KIAA1217: variants seen among roughly 807,000 people sequenced by gnomAD.
KIAA1217 encodes sickle tail protein homolog.
KIAA1217 carries 88 observed loss-of-function variants against 163.9 expected under a neutral mutation model. That is an observed-to-expected ratio of 0.54 (90% CI 0.45 to 0.64). KIAA1217 has a LOEUF of 0.64. Ranked by LOEUF, KIAA1217 falls within the 30% of genes least tolerant of loss-of-function variation. The pLI, the probability that KIAA1217 is intolerant of heterozygous loss-of-function variation, is 0.00. For missense variants in KIAA1217, 2,372 were observed against 2,475.0 expected (o/e 0.96, Z 0.88); for synonymous variants, 903 against 923.1 (o/e 0.98, Z 0.39).
At chr10:23,737,017 A>G (rs1053712175) in intron 1 of KIAA1217, among the ~76,000 whole-genome samples, 2 of 152,156 alleles carry the variant, frequency 1.3e-5, no homozygotes, top group African/African-American at 2.4e-5. Context: ...AAAAATTAAA[A>G]TCTTTACAAA....
At chr10:23,974,889 C>CA (rs986237727) in intron 1 of KIAA1217, among the ~76,000 whole-genome samples, 3 of 151,788 alleles carry the variant, frequency 2.0e-5, no homozygotes, top group Non-Finnish European at 4.4e-5. Flanking sequence ...TCCTTCCCCC[C>CA]CCCATAGATA....
chr10:23,740,827 C>CTGAA (rs1336777479), intron 1 of KIAA1217, among the ~76,000 whole-genome samples: 1 of 151,988 alleles, frequency 6.6e-6, no homozygotes, highest in African/African-American at 2.4e-5. Context: ...ACTTGGGAGG[C>CTGAA]TGAAGCAGGA....
chr10:24,505,007 C>T (rs2068148494), intron 9 of KIAA1217, among the ~76,000 whole-genome samples: 1 of 152,088 alleles, frequency 6.6e-6, no homozygotes, highest in Non-Finnish European at 1.5e-5. Flanking sequence ...AAACCCTTAG[C>T]AAAAATACCA....
intron 2 of KIAA1217, among the ~76,000 whole-genome samples, chr10:24,363,522 GT>G (rs1269231865): frequency 2.0e-5 from 3 of 147,562 alleles, no homozygotes; most frequent in African/African-American, 7.5e-5. Flanking sequence ...GAGTCTTCCT[GT>G]TTTCTCAGTA....
chr10:23,985,097 T>C (rs1273957964), intron 1 of KIAA1217, among the ~76,000 whole-genome samples: 2 of 152,160 alleles, frequency 1.3e-5, no homozygotes, highest in Admixed American at 6.5e-5. Flanking sequence ...AGAGGCACTT[T>C]TCCAGCTAAA....
At chr10:24,202,907 G>T (rs575902030) in intron 2 of KIAA1217, among the ~76,000 whole-genome samples, 2 of 152,238 alleles carry the variant, frequency 1.3e-5, no homozygotes, top group African/African-American at 4.8e-5. Context: ...TAGGTATACC[G>T]GGCCAGGGGC....
Position 24,463,970 on chromosome 10 carries a change from G to A in KIAA1217, c.847-9258G>A, listed in dbSNP as rs188522289. On this transcript the variant is annotated intron_variant, in intron 5 of 20. Coordinates refer to ENST00000376454, the MANE Select transcript of KIAA1217 (RefSeq NM_019590.5). ...TCTGGTGATGTAATCAAACCAAAGC[G>A]TGGGGGTGTTAGTGGTTGCACACAC... is the stretch of plus-strand genomic sequence containing the variant. 7.0e-4 allele frequency among the ~76,000 whole-genome samples: 107 copies of A among 152,310 alleles called. 1 individual carries two copies. The highest frequency in any genetic ancestry group is 2.4e-3 in the African/African-American group (100 of 41,578).
intron 2 of KIAA1217, among the ~76,000 whole-genome samples, chr10:24,261,727 C>T (rs1275874574): frequency 6.6e-6 from 1 of 152,044 alleles, no homozygotes; most frequent in African/African-American, 2.4e-5. Flanking sequence ...GGGTGGGCTA[C>T]CGTAACCAGG....
intron 4 of KIAA1217, among the ~76,000 whole-genome samples, chr10:24,436,091 C>A (rs1469090347): frequency 1.3e-5 from 2 of 152,028 alleles, no homozygotes; most frequent in Admixed American, 6.5e-5. Context: ...GAACTCCTGA[C>A]CTCAAGTGAT....
intron 2 of KIAA1217, among the ~76,000 whole-genome samples, chr10:24,286,812 C>A (rs750816756): frequency 1.4e-4 from 22 of 152,098 alleles, no homozygotes; most frequent in Non-Finnish European, 2.8e-4. Context: ...CATTCTGTCC[C>A]CTTCAGATAG....
At chr10:24,362,778 A>G (rs1205500356) in intron 2 of KIAA1217, among the ~76,000 whole-genome samples, 1 of 152,178 alleles carries the variant, frequency 6.6e-6, no homozygotes, top group East Asian at 1.9e-4. Context: ...GGGTAGGCAG[A>G]TCACTTGAGG....
At chr10:23,955,269 C>T (rs1844511682) in intron 1 of KIAA1217, among the ~76,000 whole-genome samples, 1 of 152,126 alleles carries the variant, frequency 6.6e-6, no homozygotes, top group South Asian at 2.1e-4. Context: ...ATAATAGTAT[C>T]CAGAACAAAT....
At chr10:24,532,611 A>T (rs183606060) in intron 15 of KIAA1217, among the ~76,000 whole-genome samples, 4 of 152,286 alleles carry the variant, frequency 2.6e-5, no homozygotes, top group African/African-American at 9.6e-5. Flanking sequence ...GGCACTTCTC[A>T]CATGGTGGCA....
chr10:23,938,813 A>G (rs1843640418), intron 1 of KIAA1217, among the ~76,000 whole-genome samples: 1 of 152,216 alleles, frequency 6.6e-6, no homozygotes, highest in Non-Finnish European at 1.5e-5. Flanking sequence ...GTGTATATGC[A>G]TACGTATATG....
chr10:24,264,004 C>T (rs1330172226), intron 2 of KIAA1217, among the ~76,000 whole-genome samples: 6 of 152,072 alleles, frequency 3.9e-5, no homozygotes, highest in South Asian at 2.1e-4. Context: ...ACTACAGGCA[C>T]GTGCCACCAC....
intron 2 of KIAA1217, among the ~76,000 whole-genome samples, chr10:24,263,039 A>C (rs1489062093): frequency 6.6e-6 from 1 of 152,000 alleles, no homozygotes; most frequent in Non-Finnish European, 1.5e-5. Flanking sequence ...TATCCCTCAG[A>C]GGAAGACTTC....
chr10:24,128,574 G>T (rs148405793), intron 2 of KIAA1217, among the ~76,000 whole-genome samples: 1 of 152,140 alleles, frequency 6.6e-6, no homozygotes, highest in Non-Finnish European at 1.5e-5. Flanking sequence ...CATGCCATGG[G>T]GACTCATTCA....
chr10:23,857,624 G>C (rs991372578), intron 1 of KIAA1217, among the ~76,000 whole-genome samples: 1 of 152,170 alleles, frequency 6.6e-6, no homozygotes, highest in Non-Finnish European at 1.5e-5. Context: ...CCAGGAATTT[G>C]CATTTTATAA....
chr10:24,326,369 GA>G (rs1020190052), intron 2 of KIAA1217, among the ~76,000 whole-genome samples: 10 of 150,680 alleles, frequency 6.6e-5, no homozygotes, highest in African/African-American at 2.4e-4. Context: ...CTGGAAGAAT[GA>G]AAAAAAAACT....
Sources: gnomAD v4.1 joint callset for allele counts (sites outside exome capture counted in the v4.1 genomes callset) on GRCh38, gnomAD v4.1.1 for gene constraint, MANE v1.5 for transcripts, NCBI Gene and HGNC (gene_info 2026-07-23, HGNC 2026-07-21) for gene names.